The following SLX4IP variants were observed in gnomAD, a reference collection of about 807,000 sequenced individuals.
SLX4IP encodes protein SLX4IP.
SLX4IP carries 34 observed loss-of-function variants against 32.9 expected under a neutral mutation model. The ratio of observed to expected loss-of-function variants is 1.03; its 90% CI spans 0.79 to 1.38. SLX4IP has a LOEUF of 1.38. SLX4IP is among the 40% of genes most tolerant of loss of function. The pLI is 0.00. For synonymous variants in SLX4IP, 172 were observed against 171.7 expected (o/e 1.00, Z -0.01); for missense variants, 444 against 479.0 (o/e 0.93, Z 0.68).
At chr20:10,505,629 A>G (rs1039933033) in intron 2 of SLX4IP, among the ~76,000 whole-genome samples, 2 of 152,136 alleles carry the variant, frequency 1.3e-5, no homozygotes, top group African/African-American at 2.4e-5. Flanking sequence ...CTTTTCTACC[A>G]CTTGATCCTG....
rs2067165039 is a variant in SLX4IP at position 10,625,796 on chromosome 20, G to T, written c.*2417G>T. The T allele has an allele frequency of 6.6e-6, 1 of 152,156 alleles. No individual in the cohort carries two copies. Among genetic ancestry groups the T allele is most frequent in the African/African-American group, 2.4e-5 (1 of 41,434 alleles). 9.4% of individuals were successfully genotyped at this position (152,156 alleles called of 1,614,324 possible). A position where few individuals can be genotyped will look rare whatever the true frequency, so the allele number is the denominator to read the frequency against. ...GGGAATGGCTCTCAGTTCCCACACT[G>T]TGACATGTGTTTGAGGAATTTTGCC... On this transcript the variant is annotated 3_prime_UTR_variant, in exon 8 of 8. Coordinates refer to ENST00000334534, the MANE Select transcript of SLX4IP (RefSeq NM_001009608.3).
At chr20:10,476,618 GAC>G (rs2065477197) in intron 2 of SLX4IP, among the ~76,000 whole-genome samples, 1 of 152,198 alleles carries the variant, frequency 6.6e-6, no homozygotes, top group Non-Finnish European at 1.5e-5. Flanking sequence ...CACCTGCCAT[GAC>G]AGTGCATTCT....
intron 2 of SLX4IP, among the ~76,000 whole-genome samples, chr20:10,460,283 AT>A (rs1410817532): frequency 6.6e-6 from 1 of 152,230 alleles, no homozygotes; most frequent in Non-Finnish European, 1.5e-5. Flanking sequence ...TGTTTTCATT[AT>A]GTATTGATGC....
chr20:10,501,835 T>TA (rs1310083324), intron 2 of SLX4IP, among the ~76,000 whole-genome samples: 2 of 152,210 alleles, frequency 1.3e-5, no homozygotes, highest in African/African-American at 2.4e-5. Flanking sequence ...GACAACTTTT[T>TA]AAAAAAAATC....
At chr20:10,463,116 C>T (rs554690496) in intron 2 of SLX4IP, among the ~76,000 whole-genome samples, 1 of 152,232 alleles carries the variant, frequency 6.6e-6, no homozygotes, top group African/African-American at 2.4e-5. Flanking sequence ...TTAATACCCT[C>T]TTCGTTGGGG....
chr20:10,469,411 CTA>C (rs1216068394), intron 2 of SLX4IP, among the ~76,000 whole-genome samples: 2 of 152,032 alleles, frequency 1.3e-5, no homozygotes, highest in Admixed American at 1.3e-4. Flanking sequence ...AAAATAATCT[CTA>C]TTAATAATCA....
At chr20:10,459,727 C>G (rs2065320332) in intron 2 of SLX4IP, among the ~76,000 whole-genome samples, 2 of 152,232 alleles carry the variant, frequency 1.3e-5, no homozygotes, top group South Asian at 2.1e-4. Flanking sequence ...ATAAATGTCC[C>G]TTGTTTGTTC....
At chr20:10,518,460 T>C (rs1278752261) in intron 2 of SLX4IP, among the ~76,000 whole-genome samples, 2,512 of 44,092 alleles carry the variant, frequency 0.057, 121 homozygotes, top group Admixed American at 0.15. Context: ...CCTTCCTTCC[T>C]TCCTTTCCTT....
chr20:10,445,428 G>C (rs551798148), intron 1 of SLX4IP, among the ~76,000 whole-genome samples: 140 of 146,406 alleles, frequency 9.6e-4, no homozygotes, highest in African/African-American at 3.4e-3. Context: ...CAATTCTCCT[G>C]CCTCAGCCTC....
intron 2 of SLX4IP, among the ~76,000 whole-genome samples, chr20:10,483,743 T>C (rs553181075): frequency 7.9e-5 from 12 of 152,030 alleles, no homozygotes; most frequent in Admixed American, 6.6e-4. Flanking sequence ...CCCCAAAGTA[T>C]GGCACATGTG....
intron 1 of SLX4IP, among the ~76,000 whole-genome samples, 195 bp from the exon 2 acceptor site, chr20:10,457,981 G>T (rs1214511821): frequency 6.6e-6 from 1 of 151,846 alleles, no homozygotes; most frequent in Non-Finnish European, 1.5e-5. Context: ...CCTGGCCAGG[G>T]CCTGTCCTTT....
At chr20:10,487,499 G>C (rs2065584951) in intron 2 of SLX4IP, among the ~76,000 whole-genome samples, 1 of 152,172 alleles carries the variant, frequency 6.6e-6, no homozygotes, top group African/African-American at 2.4e-5. Context: ...TGATTGAACT[G>C]TTCTAACAGT....
chr20:10,606,953 G>A (rs905078871), intron 6 of SLX4IP, among the ~76,000 whole-genome samples: 1 of 152,128 alleles, frequency 6.6e-6, no homozygotes, highest in Non-Finnish European at 1.5e-5. Context: ...TGTCAGTGCT[G>A]TATGGTAGGA....
intron 2 of SLX4IP, among the ~76,000 whole-genome samples, chr20:10,547,338 GAA>G (rs1288042358): frequency 2.0e-5 from 3 of 152,074 alleles, no homozygotes; most frequent in Non-Finnish European, 2.9e-5. Context: ...ATCTGTTGTG[GAA>G]AACAAGTGAC....
intron 2 of SLX4IP, among the ~76,000 whole-genome samples, chr20:10,473,334 A>G (rs1600905733): frequency 1.3e-5 from 2 of 152,328 alleles, no homozygotes; most frequent in East Asian, 3.9e-4. Context: ...ACTGGTTCTC[A>G]GTGTATTCCC....
intron 2 of SLX4IP, among the ~76,000 whole-genome samples, chr20:10,540,262 G>A (rs1400782262): frequency 1.3e-5 from 2 of 150,682 alleles, no homozygotes; most frequent in African/African-American, 4.9e-5. Context: ...GCTAATCAAT[G>A]TGTGTTTTTA....
chr20:10,622,553 A>G, intron 7 of SLX4IP, 106 bp from the exon 8 acceptor site: 2 of 1,466,692 alleles, frequency 1.4e-6, no homozygotes, highest in Non-Finnish European at 1.8e-6. Context: ...GAGGGCAGGT[A>G]GTGCCTGCCT....
chr20:10,501,391 GAACCAGAGCT>G (rs1290902901), intron 2 of SLX4IP, among the ~76,000 whole-genome samples: 1 of 152,030 alleles, frequency 6.6e-6, no homozygotes, highest in Non-Finnish European at 1.5e-5. Context: ...AGTAGTAAAG[GAACCAGAGCT>G]AAAAAAGGAG....
At chr20:10,581,467 A>T (rs2066585651) in intron 4 of SLX4IP, among the ~76,000 whole-genome samples, 1 of 152,148 alleles carries the variant, frequency 6.6e-6, no homozygotes, top group Admixed American at 6.5e-5. Context: ...TTTGAACAAG[A>T]TGTAGTGTAT....
Sources: allele counts gnomAD v4.1 joint callset (sites outside exome capture counted in the v4.1 genomes callset), GRCh38; gene constraint gnomAD v4.1.1; transcripts MANE v1.5; gene names NCBI Gene and HGNC (gene_info 2026-07-23, HGNC 2026-07-21).